Variants in TECPR2 observed in about 807,000 individuals in gnomAD.
The protein encoded by TECPR2 is tectonin beta-propeller repeat containing 2, also known as tectonin beta-propeller repeat-containing protein 2.
A neutral mutation model predicts 138.1 loss-of-function variants in TECPR2; 65 were observed. The ratio of observed to expected loss-of-function variants is 0.47; its 90% CI spans 0.39 to 0.58. The LOEUF (loss-of-function observed/expected upper bound fraction) is 0.58, where lower values mean the gene tolerates loss of function less well. TECPR2 is among the 20% of genes least tolerant of loss of function. The pLI, the probability that TECPR2 is intolerant of heterozygous loss-of-function variation, is 0.00. For missense variants in TECPR2, 1,553 were observed against 1,824.5 expected, an observed-to-expected ratio of 0.85 and a Z score of 2.71; for synonymous variants, 746 against 749.8, an observed-to-expected ratio of 0.99 and a Z score of 0.08.
At chr14:102,377,063 CA>C in intron 2 of TECPR2, 123 bp downstream of exon 2, 1 of 965,118 alleles carries the variant, frequency 1.0e-6, no homozygotes, top group Non-Finnish European at 1.5e-6. Flanking sequence ...ATACCTCACC[CA>C]AACAATACTT....
intron 17 of TECPR2, among the ~76,000 whole-genome samples, chr14:102,479,737 G>A (rs577523421): frequency 4.6e-4 from 70 of 152,320 alleles, no homozygotes; most frequent in African/African-American, 1.6e-3. Context: ...TTTGGTGACT[G>A]GACCAGTTGC....
At chr14:102,389,822 C>T (rs1388460523) in intron 2 of TECPR2, among the ~76,000 whole-genome samples, 3 of 152,168 alleles carry the variant, frequency 2.0e-5, no homozygotes, top group South Asian at 2.1e-4. Flanking sequence ...AGGCTTCTTC[C>T]TTCAACTCCA....
intron 12 of TECPR2, 45 bp from the exon 13 acceptor site, chr14:102,445,752 ACTGGGCACT>A: frequency 6.3e-7 from 1 of 1,578,346 alleles, no homozygotes; most frequent in Non-Finnish European, 8.6e-7. Context: ...GTCCAGACAC[ACTGGGCACT>A]CTGCCTATGG....
intron 17 of TECPR2, among the ~76,000 whole-genome samples, chr14:102,474,549 G>A (rs574177692): frequency 2.4e-4 from 37 of 152,252 alleles, no homozygotes; most frequent in Admixed American, 6.5e-4. Flanking sequence ...GCTTAAACCC[G>A]GGAGGCGGAG....
Position 102,486,344 on chromosome 14 carries a change from C to T in TECPR2, c.3790-10635C>T, listed in dbSNP as rs564916804. ...AGTTAGGCTCTTGTTCCGTCACCCA[C>T]GCTGGAGTGCAGTGACACAATCTCA... On this transcript the variant is annotated intron_variant, in intron 17 of 19. Coordinates refer to ENST00000359520, the MANE Select transcript of TECPR2 (RefSeq NM_014844.5). Among the ~76,000 whole-genome samples, 8 of 152,304 alleles carry T rather than the reference C, an allele frequency of 5.3e-5. No homozygotes were observed. The South Asian group carries it at 1.5e-3, about 28-fold the overall frequency.
rs1355949766 is a variant in TECPR2, at chr14:102,408,473, ATCC to A, written c.349-14_349-12del. ...CTTTTTTTTTCTTGTGTATATTTTT[ATCC>A]CTTGTTCATAGCTTCGGAGATTTGA... On this transcript the variant is annotated splice_polypyrimidine_tract_variant and intron_variant, in intron 3 of 19. Transcript: ENST00000359520. 1 of 1,589,530 alleles carries A rather than the reference ATCC, an allele frequency of 6.3e-7. No homozygotes were observed.
intron 17 of TECPR2, among the ~76,000 whole-genome samples, chr14:102,466,057 C>T (rs1890545407): frequency 6.6e-6 from 1 of 152,080 alleles, no homozygotes; most frequent in Non-Finnish European, 1.5e-5. Flanking sequence ...CGTTGTTGGG[C>T]AGAGAAACCT....
intron 8 of TECPR2, among the ~76,000 whole-genome samples, chr14:102,433,116 A>G (rs529647898): frequency 5.9e-5 from 9 of 152,180 alleles, no homozygotes; most frequent in African/African-American, 1.9e-4. Context: ...GCTGGTAAAT[A>G]CTTGGGACAT....
At chr14:102,483,795 T>C (rs1291723634) in intron 17 of TECPR2, among the ~76,000 whole-genome samples, 3 of 53,018 alleles carry the variant, frequency 5.7e-5, no homozygotes, top group African/African-American at 8.9e-5. Flanking sequence ...CCTTTTCTTT[T>C]TTTTTTTTTT....
intron 2 of TECPR2, 60 bp from the exon 3 acceptor site, chr14:102,407,278 T>G (rs931455481): frequency 3.9e-6 from 6 of 1,527,294 alleles, no homozygotes. Flanking sequence ...ATGTCCTCCT[T>G]GTTTTACATT....
At position 102,493,008 on chromosome 14, in the gene TECPR2, C is replaced by G. The variant is rs1017977076; in HGVS notation, c.3790-3971C>G. ...GGGGTAGCCATCCTCTGCCCGCTCA[C>G]GAGCACTTCTCCGCCTGCCACCGTG... On this transcript the variant is annotated intron_variant, in intron 17 of 19. Coordinates refer to ENST00000359520, the MANE Select transcript of TECPR2 (RefSeq NM_014844.5). Among the ~76,000 whole-genome samples the G allele has an allele frequency of 9.8e-5, 15 of 152,316 alleles. 1 individual carries two copies. The East Asian group carries it at 2.9e-3, about 29-fold the overall frequency.
At chr14:102,429,622 T>G (rs1889414182) in intron 7 of TECPR2, among the ~76,000 whole-genome samples, 1 of 152,186 alleles carries the variant, frequency 6.6e-6, no homozygotes, top group South Asian at 2.1e-4. Context: ...ATCACCCTCC[T>G]CCTCACTACC....
chr14:102,458,449 C>T (rs1179424901), intron 16 of TECPR2, among the ~76,000 whole-genome samples: 1 of 152,196 alleles, frequency 6.6e-6, no homozygotes, highest in African/African-American at 2.4e-5. Flanking sequence ...CACGCTGCCA[C>T]TAGAATACAG....
intron 17 of TECPR2, among the ~76,000 whole-genome samples, chr14:102,490,128 T>C (rs960813907): frequency 2.0e-5 from 3 of 152,176 alleles, no homozygotes; most frequent in African/African-American, 7.2e-5. Flanking sequence ...GTCTGTGTGT[T>C]AACCCCACGC....
intron 2 of TECPR2, among the ~76,000 whole-genome samples, chr14:102,384,888 C>T (rs1226984697): frequency 2.8e-5 from 3 of 107,172 alleles, no homozygotes; most frequent in African/African-American, 1.1e-4. Context: ...CAGAGTTTCA[C>T]TCTTGTTGCC....
At chr14:102,409,995 A>C (rs561247777) in intron 4 of TECPR2, among the ~76,000 whole-genome samples, 34 of 151,804 alleles carry the variant, frequency 2.2e-4, no homozygotes, top group African/African-American at 8.0e-4. Context: ...TTGTAGAGAT[A>C]GTGTTTCACC....
chr14:102,385,796 C>T (rs1175996203), intron 2 of TECPR2, among the ~76,000 whole-genome samples: 3 of 151,842 alleles, frequency 2.0e-5, no homozygotes, highest in South Asian at 2.1e-4. Context: ...ATTATTCAGG[C>T]GTGATGGCGT....
chr14:102,498,323 A>G lies in TECPR2; in HGVS notation c.*66A>G, dbSNP rs1394773845. On this transcript the variant is annotated 3_prime_UTR_variant, in exon 20 of 20. Coordinates refer to ENST00000359520, the MANE Select transcript of TECPR2 (RefSeq NM_014844.5). Reference sequence around the variant, plus strand: ...TGGCGGGCACAGGGGCTTCAGAGTGACTCCCTGGTGGACGCGCTGCCTCAA... The same window carrying G: ...TGGCGGGCACAGGGGCTTCAGAGTGGCTCCCTGGTGGACGCGCTGCCTCAA... 20 of 1,517,332 alleles carry G rather than the reference A, an allele frequency of 1.3e-5. No homozygotes were observed. Among genetic ancestry groups the G allele is most frequent in the Non-Finnish European group, 1.8e-5 (20 of 1,137,606 alleles). The allele number at this position is 1,517,332 out of a possible 1,614,324, so 94.0% of individuals were successfully genotyped here.
intron 5 of TECPR2, among the ~76,000 whole-genome samples, chr14:102,417,103 C>T (rs1889045388): frequency 6.6e-6 from 1 of 152,178 alleles, no homozygotes; most frequent in South Asian, 2.1e-4. Context: ...CTTTAGGGAA[C>T]ATTGATTGAA....
Sources: allele counts gnomAD v4.1 joint callset (sites outside exome capture counted in the v4.1 genomes callset), GRCh38; gene constraint gnomAD v4.1.1; transcripts MANE v1.5; gene names NCBI Gene and HGNC (gene_info 2026-07-23, HGNC 2026-07-21).